The following CSGALNACT1 variants were observed in gnomAD, a reference collection of about 807,000 sequenced individuals.
The protein encoded by CSGALNACT1 is chondroitin sulfate N-acetylgalactosaminyltransferase 1.
In CSGALNACT1, 52 loss-of-function variants were observed where a neutral mutation model predicts 51.0. That is an observed-to-expected ratio of 1.02 (90% confidence interval 0.82 to 1.29). The LOEUF is 1.29. Ranked by LOEUF, CSGALNACT1 falls within the 50% of genes most tolerant of loss-of-function variation. The pLI is 0.00. For missense variants in CSGALNACT1, 935 were observed against 679.2 expected, an observed-to-expected ratio of 1.38 and a Z score of -4.19; for synonymous variants, 341 against 254.4, an observed-to-expected ratio of 1.34 and a Z score of -3.24.
intron 8 of CSGALNACT1, among the ~76,000 whole-genome samples, chr8:19,415,851 G>C (rs4617172): frequency 6.6e-6 from 1 of 152,028 alleles, no homozygotes; most frequent in Non-Finnish European, 1.5e-5. Flanking sequence ...GAAAGGAAGC[G>C]AGAAGTTTCT....
intron 4 of CSGALNACT1, among the ~76,000 whole-genome samples, chr8:19,477,196 G>C (rs1310728105): frequency 1.3e-5 from 2 of 152,194 alleles, no homozygotes; most frequent in African/African-American, 4.8e-5. Context: ...TGCACTTTCA[G>C]TGTTAGCAAC....
intron 1 of CSGALNACT1, among the ~76,000 whole-genome samples, chr8:19,730,605 G>A (rs1414054741): frequency 2.0e-5 from 3 of 152,182 alleles, no homozygotes; most frequent in Admixed American, 1.3e-4. Context: ...TCAGCTGCCT[G>A]CTGTCTGTCG....
At chr8:19,517,676 CAA>C (rs1429429934) in intron 3 of CSGALNACT1, among the ~76,000 whole-genome samples, 3 of 152,098 alleles carry the variant, frequency 2.0e-5, no homozygotes, top group African/African-American at 7.2e-5. Context: ...AGGCAGCACT[CAA>C]GAGAGAATGA....
intron 3 of CSGALNACT1, among the ~76,000 whole-genome samples, chr8:19,550,616 A>G (rs371565735): frequency 5.3e-5 from 8 of 152,052 alleles, no homozygotes; most frequent in African/African-American, 1.4e-4. Context: ...ACGATCCTCA[A>G]ATGTATAGTG....
chr8:19,420,989 T>A (rs1412165191), intron 6 of CSGALNACT1, among the ~76,000 whole-genome samples: 1 of 152,204 alleles, frequency 6.6e-6, no homozygotes, highest in African/African-American at 2.4e-5. Context: ...GATGTGAATC[T>A]TTCCTCCAAA....
exon 10 of CSGALNACT1, chr8:19,404,903 C>T (rs748939438): frequency 4.0e-5 from 18 of 454,362 alleles, no homozygotes; most frequent in Middle Eastern, 6.9e-4. Flanking sequence ...AGTATCTGTA[C>T]GTCTGTATTA....
intron 1 of CSGALNACT1, among the ~76,000 whole-genome samples, chr8:19,650,541 T>C (rs17480846): frequency 0.046 from 6,959 of 152,248 alleles, 233 homozygotes; most frequent in Non-Finnish European, 0.063. Flanking sequence ...ACCAACAATA[T>C]GCTCAGCAAT....
chr8:19,570,012 C>G (rs181001503), intron 3 of CSGALNACT1, among the ~76,000 whole-genome samples: 8 of 151,844 alleles, frequency 5.3e-5, no homozygotes, highest in African/African-American at 1.9e-4. Context: ...TCCAAGATGT[C>G]TGATTAGATT....
intron 1 of CSGALNACT1, among the ~76,000 whole-genome samples, chr8:19,644,744 CAT>C (rs1452583144): frequency 1.6e-5 from 2 of 126,598 alleles, no homozygotes; most frequent in Non-Finnish European, 3.3e-5. Flanking sequence ...AAAGAGGAAA[CAT>C]AGCTAGTCAT....
In CSGALNACT1 at chr8:19,439,853, T is replaced by C. The variant is rs774763219; in HGVS notation, c.930A>G (p.Lys310=). ...ACTTGGAAGTGTTTTCAAGTATTCC[T>C]TTGACTTCATTTATTTCTTCTTTCC... Residue 310 remains lysine, a synonymous_variant, in exon 6 of 10, where the codon AAA becomes AAG. Transcript: ENST00000454498. The C allele has an allele frequency of 6.8e-6, 11 of 1,614,032 alleles. No individual in the cohort carries two copies. In the Admixed American group the frequency reaches 1.8e-4, roughly 27 times the overall value.
chr8:19,494,804 G>A (rs2075137002), intron 4 of CSGALNACT1, among the ~76,000 whole-genome samples: 1 of 147,876 alleles, frequency 6.8e-6, no homozygotes, highest in African/African-American at 2.5e-5. Flanking sequence ...CCATAGCATT[G>A]AGAAACCAGA....
At chr8:19,513,368 C>G (rs1166203221) in intron 3 of CSGALNACT1, among the ~76,000 whole-genome samples, 1 of 149,732 alleles carries the variant, frequency 6.7e-6, no homozygotes, top group Non-Finnish European at 1.5e-5. Context: ...CTAACGCTCC[C>G]AATTCCTACA....
At chr8:19,495,719 G>T (rs1011986504) in intron 4 of CSGALNACT1, among the ~76,000 whole-genome samples, 19 of 152,202 alleles carry the variant, frequency 1.2e-4, no homozygotes, top group Non-Finnish European at 2.9e-5. Context: ...ATTCGGAAGA[G>T]AATGTGTAGC....
intron 1 of CSGALNACT1, among the ~76,000 whole-genome samples, chr8:19,666,881 GAAA>G (rs1564384251): frequency 6.7e-5 from 8 of 119,362 alleles, no homozygotes; most frequent in African/African-American, 1.9e-4. Context: ...AAGAAAGAAA[GAAA>G]GAGAGAGAGG....
At chr8:19,490,617 C>G (rs1384941269) in intron 4 of CSGALNACT1, among the ~76,000 whole-genome samples, 2 of 152,180 alleles carry the variant, frequency 1.3e-5, no homozygotes, top group Non-Finnish European at 2.9e-5. Context: ...CAGCTTAGTG[C>G]TATATGCTGA....
intron 4 of CSGALNACT1, among the ~76,000 whole-genome samples, chr8:19,469,047 G>T (rs1388729348): frequency 2.6e-5 from 4 of 152,128 alleles, no homozygotes; most frequent in Admixed American, 1.3e-4. Flanking sequence ...GTGAGGGCCT[G>T]CTCAACAGTG....
chr8:19,632,524 C>T (rs1432632020), intron 1 of CSGALNACT1, among the ~76,000 whole-genome samples: 2 of 151,912 alleles, frequency 1.3e-5, no homozygotes, highest in Non-Finnish European at 1.5e-5. Context: ...TACCTTTCCT[C>T]GGTTTTTAAT....
At position 19,406,176 on chromosome 8, in the gene CSGALNACT1, G is replaced by A. The variant is rs1019857782; in HGVS notation, c.1310-107C>T. The A allele has an allele frequency of 1.7e-5, 22 of 1,269,094 alleles. 1 individual carries two copies. The highest frequency in any genetic ancestry group is 4.4e-5 in the African/African-American group (3 of 68,342). 78.6% of individuals were successfully genotyped at this position (1,269,094 alleles called of 1,614,324 possible). ...ATTAAGACATGACTGGGGGGGATGC[G>A]TGCTTCACCACCACCCCTCCAAGGT... On this transcript the variant is annotated intron_variant, in intron 9 of 9. Coordinates refer to ENST00000454498, the Ensembl canonical transcript of CSGALNACT1.
At chr8:19,507,935 T>C (rs1231282905) in intron 3 of CSGALNACT1, among the ~76,000 whole-genome samples, 1 of 152,214 alleles carries the variant, frequency 6.6e-6, no homozygotes, top group Non-Finnish European at 1.5e-5. Context: ...CCCTCCTAGA[T>C]GCATCTTTCT....
Sources: gnomAD v4.1 joint callset for allele counts (sites outside exome capture counted in the v4.1 genomes callset) on GRCh38, gnomAD v4.1.1 for gene constraint, MANE v1.5 for transcripts, NCBI Gene and HGNC (gene_info 2026-07-23, HGNC 2026-07-21) for gene names.